NRP2: variants seen among roughly 807,000 people sequenced by gnomAD.
The protein encoded by NRP2 is neuropilin-2.
Under a neutral mutation model 110.4 loss-of-function variants are expected in NRP2, and 52 were observed. The ratio of observed to expected loss-of-function variants is 0.47; its 90% CI spans 0.38 to 0.59. The LOEUF (loss-of-function observed/expected upper bound fraction) is 0.59. Among genes scored for constraint, NRP2 ranks in the 20% least tolerant of loss-of-function variants. The pLI is 0.00. For missense variants in NRP2, 1,049 were observed against 1,203.0 expected (o/e 0.87, Z 1.89); for synonymous variants, 508 against 468.9 (o/e 1.08, Z -1.08).
intron 15 of NRP2, among the ~76,000 whole-genome samples, chr2:205,773,453 A>G (rs1487258780): frequency 6.6e-6 from 1 of 152,228 alleles, no homozygotes; most frequent in Non-Finnish European, 1.5e-5. Flanking sequence ...ATGTCCCCCA[A>G]GTAGCTTTTG....
At chr2:205,707,419 A>G (rs975285984) in intron 2 of NRP2, among the ~76,000 whole-genome samples, 36 of 152,290 alleles carry the variant, frequency 2.4e-4, no homozygotes, top group African/African-American at 7.7e-4. Context: ...CACAGTAGTG[A>G]CAAGTTTGCC....
At chr2:205,777,224 G>A in intron 15 of NRP2, 13 of 872,090 alleles carry the variant, frequency 1.5e-5, no homozygotes, top group Non-Finnish European at 1.7e-5. Context: ...AGGCCACATG[G>A]GATGCAGTGT....
chr2:205,734,792 A>T (rs1282750260), intron 7 of NRP2, among the ~76,000 whole-genome samples: 1 of 152,178 alleles, frequency 6.6e-6, no homozygotes, highest in East Asian at 1.9e-4. Context: ...TATTTATTTT[A>T]AAAAAGAAGA....
intron 8 of NRP2, among the ~76,000 whole-genome samples, chr2:205,741,501 GAGA>G (rs1465406363): frequency 5.3e-5 from 8 of 152,358 alleles, no homozygotes; most frequent in Admixed American, 3.3e-4. Context: ...ATGTAGATTG[GAGA>G]AGACCAGAGT....
Position 205,697,705 on chromosome 2 carries a change from GAGA to G in NRP2, c.238_240del (p.Lys80del). 1 of 1,613,840 alleles carries G rather than the reference GAGA, an allele frequency of 6.2e-7. No homozygotes were observed. The highest frequency in any genetic ancestry group is 8.5e-7 in the Non-Finnish European group (1 of 1,180,002). On this transcript the variant is annotated inframe_deletion, in exon 2 of 17. Transcript: ENST00000357785. ...CAACTTCAACCCTCACTTTGAAATCGAGAAGCACGACTGCAAGTAAGCACCGTC... is the reference window on the plus strand; with the variant it reads ...CAACTTCAACCCTCACTTTGAAATCGAGCACGACTGCAAGTAAGCACCGTC...
At chr2:205,748,238 A>G (rs779001237) in intron 10 of NRP2, among the ~76,000 whole-genome samples, 89 of 152,164 alleles carry the variant, frequency 5.8e-4, no homozygotes, top group Admixed American at 2.1e-3. Context: ...TCGAATTTCC[A>G]TCTGTTTCTC....
At chr2:205,754,393 G>A (rs1338522685) in intron 12 of NRP2, among the ~76,000 whole-genome samples, 4 of 152,142 alleles carry the variant, frequency 2.6e-5, no homozygotes, top group African/African-American at 9.7e-5. Flanking sequence ...CTTCCCTGGA[G>A]GGTCACAGTG....
chr2:205,712,831 C>G (rs2056824357), intron 2 of NRP2, among the ~76,000 whole-genome samples: 1 of 152,150 alleles, frequency 6.6e-6, no homozygotes, highest in Non-Finnish European at 1.5e-5. Context: ...CACTTCCCCT[C>G]AAGCAAACCT....
intron 9 of NRP2, among the ~76,000 whole-genome samples, 192 bp from the exon 10 acceptor site, chr2:205,745,554 C>T (rs759025978): frequency 9.8e-5 from 15 of 152,314 alleles, no homozygotes; most frequent in Middle Eastern, 3.4e-3. Context: ...TAACCACCTT[C>T]CAAATGAATA....
intron 11 of NRP2, 68 bp downstream of exon 11, chr2:205,749,909 G>A (rs1346071065): frequency 3.2e-6 from 4 of 1,261,768 alleles, no homozygotes; most frequent in Non-Finnish European, 4.6e-6. Flanking sequence ...CCTGTGGCTG[G>A]ACAGGGACCT....
chr2:205,760,740 G>GA (rs2057807823), intron 12 of NRP2: 1 of 152,130 alleles, frequency 6.6e-6, no homozygotes, highest in Non-Finnish European at 1.5e-5. Flanking sequence ...AAGTAGAACA[G>GA]ACCCAGATAC....
At chr2:205,696,959 A>G (rs939519560) in intron 1 of NRP2, among the ~76,000 whole-genome samples, 3 of 152,154 alleles carry the variant, frequency 2.0e-5, no homozygotes, top group Non-Finnish European at 4.4e-5. Context: ...AAAAAATTTA[A>G]AAAGGCTGCA....
intron 12 of NRP2, among the ~76,000 whole-genome samples, chr2:205,757,526 C>T (rs1218130367): frequency 6.6e-6 from 1 of 152,076 alleles, no homozygotes; most frequent in Non-Finnish European, 1.5e-5. Flanking sequence ...TGAATTTACT[C>T]ATAATGGGCT....
At chr2:205,751,737 T>G (rs2057649952) in intron 11 of NRP2, among the ~76,000 whole-genome samples, 1 of 152,188 alleles carries the variant, frequency 6.6e-6, no homozygotes, top group African/African-American at 2.4e-5. Flanking sequence ...TGGCTCCCTT[T>G]AGACTTCCTA....
chr2:205,705,099 A>G (rs1559314337), intron 2 of NRP2, among the ~76,000 whole-genome samples: 2 of 152,106 alleles, frequency 1.3e-5, no homozygotes, highest in Non-Finnish European at 2.9e-5. Context: ...TTTTACTGGC[A>G]AGGGATTTAA....
chr2:205,743,441 C>T lies in NRP2; in HGVS notation c.1530C>T (p.Asp510=), dbSNP rs1282488897. The stretch of plus-strand genomic sequence containing the variant: ...TCATCCAGGGAGCCCGCGGAGGAGA[C>T]AGTATCACTGCTGTGGAAGCCAGAG... ...GVIIQGARGG[D]SITAVEARAF... Residue 510 remains aspartate (D), a synonymous_variant, in exon 9 of 17, where the codon GAC becomes GAT. Coordinates refer to ENST00000357785, the MANE Select transcript of NRP2 (RefSeq NM_003872.3). 6.2e-7 allele frequency: 1 copy of T among 1,614,222 alleles called. No individual in the cohort carries two copies. Among genetic ancestry groups the T allele is most frequent in the Admixed American group, 1.7e-5 (1 of 60,030 alleles).
Position 205,688,312 on chromosome 2 carries a change from T to C in NRP2, c.73+4949T>C, listed in dbSNP as rs567425799. Reference sequence around the variant, plus strand: ...CTTCCTTGAGTGGCAGATAAGTATATTGATCACCAGAAGTTAGTCTTTGTA... The same window carrying C: ...CTTCCTTGAGTGGCAGATAAGTATACTGATCACCAGAAGTTAGTCTTTGTA... On this transcript the variant is annotated intron_variant, in intron 1 of 16. Transcript: ENST00000357785. Among the ~76,000 whole-genome samples, 4 of 152,352 alleles carry C rather than the reference T, an allele frequency of 2.6e-5. No individual in the cohort carries two copies. The South Asian group carries it at 6.2e-4, about 24-fold the overall frequency.
chr2:205,744,105 T>C (rs11903028), intron 9 of NRP2, among the ~76,000 whole-genome samples: 2,399 of 152,230 alleles, frequency 0.016, 66 homozygotes, highest in African/African-American at 0.056. Context: ...ACTCCCATTT[T>C]AGAGATGATA....
intron 2 of NRP2, chr2:205,700,565 AT>A (rs1376398994): frequency 1.5e-5 from 5 of 344,550 alleles, no homozygotes; most frequent in African/African-American, 1.1e-4. Flanking sequence ...ATATGAAAGA[AT>A]TTATCCTGGG....
Sources: allele counts gnomAD v4.1 joint callset (sites outside exome capture counted in the v4.1 genomes callset), GRCh38; gene constraint gnomAD v4.1.1; transcripts MANE v1.5; gene names NCBI Gene and HGNC (gene_info 2026-07-23, HGNC 2026-07-21).